HK2: variants seen among roughly 807,000 people sequenced by gnomAD.
HK2 encodes hexokinase-2.
A neutral mutation model predicts 92.9 loss-of-function variants in HK2; 42 were observed. The observed-to-expected ratio is 0.45, with a 90% confidence interval of 0.35 to 0.58. The LOEUF (loss-of-function observed/expected upper bound fraction) is 0.58, where lower values mean the gene tolerates loss of function less well. Ranked by LOEUF, HK2 falls within the 20% of genes least tolerant of loss-of-function variation. The pLI, the probability that HK2 is intolerant of heterozygous loss-of-function variation, is 0.00. For missense variants in HK2, 978 were observed against 1,245.1 expected (o/e 0.79, Z 3.23); for synonymous variants, 422 against 468.0 (o/e 0.90, Z 1.27).
chr2:74,844,722 C>T (rs746689748), intron 1 of HK2, among the ~76,000 whole-genome samples: 6 of 152,166 alleles, frequency 3.9e-5, no homozygotes, highest in Non-Finnish European at 8.8e-5. Context: ...TTCTAGGGAC[C>T]TAGCATCCTA....
chr2:74,874,225 G>A (rs746875068), intron 6 of HK2, 41 bp from the exon 7 acceptor site: 3 of 1,612,642 alleles, frequency 1.9e-6, no homozygotes, highest in Non-Finnish European at 1.7e-6. Flanking sequence ...GTGGGAAGGG[G>A]CCGGAGCAGG....
At chr2:74,874,472 A>C in intron 7 of HK2, 23 bp downstream of exon 7, 1 of 1,576,882 alleles carries the variant, frequency 6.3e-7, no homozygotes, top group South Asian at 1.1e-5. Flanking sequence ...TTCCTGTGCG[A>C]GTGGGCTTGG....
intron 9 of HK2, 124 bp downstream of exon 9, chr2:74,879,045 TTGGTGGAA>T (rs1689315708): frequency 1.2e-6 from 1 of 847,298 alleles, no homozygotes; most frequent in South Asian, 1.4e-5. Context: ...GCTGAGGGTC[TTGGTGGAA>T]TGAAAGTTCC....
chr2:74,836,406 ATC>A (rs1688166184), intron 1 of HK2, among the ~76,000 whole-genome samples: 1 of 152,258 alleles, frequency 6.6e-6, no homozygotes, highest in South Asian at 2.1e-4. Flanking sequence ...ATGAGTTGTA[ATC>A]TCTGTCTTGT....
rs1688647006 is a variant in HK2 at position 74,854,453 on chromosome 2, C to G, written c.224C>G (p.Thr75Arg). 6.2e-7 allele frequency: 1 copy of G among 1,614,128 alleles called. No individual in the cohort carries two copies. Among genetic ancestry groups the G allele is most frequent in the East Asian group, 2.2e-5 (1 of 44,886 alleles). ...TTTGTGAGGTCCACTCCAGATGGGA[C>G]AGGTACTGCATCTGGGGGATGGCTC... ...PTFVRSTPDG[T>R]EHGEFLALDL... The change falls in exon 2 of 18, where the codon ACA becomes AGA. Residue 75 changes from threonine (T) to arginine (R), a missense_variant and splice_region_variant. By Grantham distance (71) the Thr-to-Arg change is moderately conservative. Transcript: ENST00000290573.
Position 74,874,335 on chromosome 2 carries a change from G to T in HK2, c.761G>T (p.Arg254Leu). The T allele has an allele frequency of 6.2e-7, 1 of 1,614,176 alleles. No homozygotes were observed. The highest frequency in any genetic ancestry group is 8.5e-7 in the Non-Finnish European group (1 of 1,180,042). ...GACATGGTGGAAGGCGATGAGGGGC[G>T]GATGTGTATCAATATGGAGTGGGGG... is the stretch of plus-strand genomic sequence containing the variant. ...HIDMVEGDEG[R>L]MCINMEWGAF... The change falls in exon 7 of 18, where the codon CGG (arginine) becomes CTG (leucine). Residue 254 changes from arginine (R) to leucine (L), a missense_variant. Around this residue, in one of 3 missense-constraint regions of HK2, gnomAD observed 742 missense variants for 922.5 expected, o/e 0.80. Transcript: ENST00000290573.
Position 74,881,698 on chromosome 2 carries a change from GC to G in HK2, c.1571-12del, listed in dbSNP as rs1689396132. On this transcript the variant is annotated splice_polypyrimidine_tract_variant and intron_variant, in intron 10 of 17. Coordinates refer to ENST00000290573, the MANE Select transcript of HK2 (RefSeq NM_000189.5). ...CTGCCCCAACTTATCACTTCCCTGG[GC>G]TTATTTTCCAGAGAAAGGGGACTTC... 2.5e-6 allele frequency: 4 copies of G among 1,613,730 alleles called. No homozygotes were observed. In the Admixed American group the frequency reaches 5.0e-5, roughly 20 times the overall value.
At chr2:74,877,376 T>G in intron 8 of HK2, 55 bp downstream of exon 8, 10 of 1,598,510 alleles carry the variant, frequency 6.3e-6, no homozygotes, top group Non-Finnish European at 8.6e-6. Flanking sequence ...AGTTGACGGG[T>G]AGTTGGGGAA....
At chr2:74,855,368 G>A (rs777569956) in intron 2 of HK2, among the ~76,000 whole-genome samples, 16 of 152,258 alleles carry the variant, frequency 1.1e-4, no homozygotes, top group Non-Finnish European at 2.1e-4. Flanking sequence ...ATCTTATTTG[G>A]ATACAGAGTA....
intron 2 of HK2, among the ~76,000 whole-genome samples, chr2:74,860,747 C>T (rs116730986): frequency 0.014 from 2,144 of 152,206 alleles, 43 homozygotes; most frequent in African/African-American, 0.048. Context: ...CTTGTATAAA[C>T]AACTAGGAGT....
intron 1 of HK2, 140 bp from the exon 2 acceptor site, chr2:74,854,153 C>CT (rs1476470187): frequency 2.1e-5 from 18 of 841,694 alleles, no homozygotes; most frequent in Non-Finnish European, 3.6e-5. Context: ...AAATCGGTTC[C>CT]TACTAATGGT....
chr2:74,873,132 A>G, intron 4 of HK2, 144 bp from the exon 5 acceptor site: 1 of 725,418 alleles, frequency 1.4e-6, no homozygotes, highest in South Asian at 1.4e-5. Context: ...TCTTTTTCCT[A>G]GGCTAGCCAG....
intron 6 of HK2, 29 bp from the exon 7 acceptor site, chr2:74,874,237 G>A (rs3816456): frequency 0.017 from 26,660 of 1,613,676 alleles, 868 homozygotes; most frequent in East Asian, 0.13. Context: ...CGGAGCAGGC[G>A]TGTGCATAGC....
At chr2:74,866,132 T>C (rs1383430624) in intron 2 of HK2, among the ~76,000 whole-genome samples, 1 of 152,050 alleles carries the variant, frequency 6.6e-6, no homozygotes, top group Non-Finnish European at 1.5e-5. Flanking sequence ...TTTTCCCTCT[T>C]GGGACCCTAG....
intron 3 of HK2, among the ~76,000 whole-genome samples, chr2:74,870,513 TGATGA>T: frequency 6.6e-6 from 1 of 150,420 alleles, no homozygotes; most frequent in African/African-American, 2.5e-5. Flanking sequence ...CTCCAGTCTT[TGATGA>T]TTGGCCTTAT....
Position 74,891,033 on chromosome 2 carries a change from C to G in HK2, c.*92C>G. 5.4e-6 allele frequency: 8 copies of G among 1,492,848 alleles called. No homozygotes were observed. Among genetic ancestry groups the G allele is most frequent in the Non-Finnish European group, 7.3e-6 (8 of 1,102,508 alleles). 92.5% of individuals were successfully genotyped at this position (1,492,848 alleles called of 1,614,324 possible). On this transcript the variant is annotated 3_prime_UTR_variant, in exon 18 of 18. Coordinates refer to ENST00000290573, the MANE Select transcript of HK2 (RefSeq NM_000189.5). ...ATCCCCTTGTGTCAGAGACAGACCC[C>G]TTGGCTTTTGCTTGGCAGAGAGGAC...
Position 74,889,425 on chromosome 2 carries a change from C to T in HK2, c.2556C>T (p.Asp852=), listed in dbSNP as rs527677004. ...GGATACGAGAAAACCGTGGGCTGGA[C>T]GCTCTCAAAGTGACAGTGGGTGTGG... is the stretch of plus-strand genomic sequence containing the variant. The part of the protein sequence containing the change: ...VDRIRENRGL[D]ALKVTVGVDG... The change falls in exon 17 of 18, where the codon GAC becomes GAT. Residue 852 remains aspartate, a synonymous_variant. Transcript: ENST00000290573. 1.7e-5 allele frequency: 28 copies of T among 1,613,922 alleles called. No individual in the cohort carries two copies. The highest frequency in any genetic ancestry group is 1.7e-4 in the Middle Eastern group (1 of 6,060).
chr2:74,834,451 C>A lies in HK2; in HGVS notation c.-130C>A. The A allele has an allele frequency of 1.1e-6, 1 of 882,538 alleles. No homozygotes were observed. Among genetic ancestry groups the A allele is most frequent in the Non-Finnish European group, 1.9e-6 (1 of 539,998 alleles). The allele number at this position is 882,538 out of a possible 1,614,324, so 54.7% of individuals were successfully genotyped here. On this transcript the variant is annotated 5_prime_UTR_variant, in exon 1 of 18. Coordinates refer to ENST00000290573, the MANE Select transcript of HK2 (RefSeq NM_000189.5). This position sits in a 1 kb window ranked among gnomAD's most constrained non-coding sequence, Gnocchi z 4.2. ...ACCCTCGCCGGTAGCCTTCTTTGTGCGCCGTCCGGACTCCCAGCTCCCGGC... is the reference window on the plus strand; with the variant it reads ...ACCCTCGCCGGTAGCCTTCTTTGTGAGCCGTCCGGACTCCCAGCTCCCGGC...
chr2:74,838,600 G>A (rs1005702487), intron 1 of HK2, among the ~76,000 whole-genome samples: 15 of 149,638 alleles, frequency 1.0e-4, no homozygotes, highest in Non-Finnish European at 1.9e-4. Flanking sequence ...GTGCAGTGGC[G>A]CAATCTCAGC....
Sources: allele counts gnomAD v4.1 joint callset (sites outside exome capture counted in the v4.1 genomes callset), GRCh38; gene constraint gnomAD v4.1.1; regional missense constraint gnomAD v4.1.1; non-coding constraint Gnocchi (gnomAD v3.1); transcripts MANE v1.5; gene names NCBI Gene and HGNC (gene_info 2026-07-23, HGNC 2026-07-21).